Variants in PLCG2 observed in about 807,000 individuals in gnomAD.
PLCG2 encodes 1-phosphatidylinositol 4,5-bisphosphate phosphodiesterase gamma-2.
Under a neutral mutation model 175.6 loss-of-function variants are expected in PLCG2, and 69 were observed. The observed-to-expected ratio is 0.39, with a 90% CI of 0.32 to 0.48. PLCG2 has a LOEUF of 0.48. Among genes scored for constraint, PLCG2 ranks in the 20% least tolerant of loss-of-function variants. PLCG2 has a pLI of 0.91. For synonymous variants in PLCG2, 827 were observed against 624.0 expected (o/e 1.33, Z -4.85); for missense variants, 1,798 against 1,650.9 (o/e 1.09, Z -1.54).
At chr16:81,811,774 G>A (rs184923472) in intron 2 of PLCG2, among the ~76,000 whole-genome samples, 27 of 152,280 alleles carry the variant, frequency 1.8e-4, no homozygotes, top group Non-Finnish European at 3.2e-4. Flanking sequence ...TATCATCGAT[G>A]GGCATTTGGA....
chr16:81,896,027 TC>T, intron 13 of PLCG2, 100 bp downstream of exon 13: 1 of 1,434,638 alleles, frequency 7.0e-7, no homozygotes, highest in Non-Finnish European at 9.7e-7. Context: ...GACACCTCCC[TC>T]CAAATGCGGG....
chr16:81,789,032 A>G (rs1314066197), intron 2 of PLCG2, among the ~76,000 whole-genome samples: 1 of 152,194 alleles, frequency 6.6e-6, no homozygotes, highest in Admixed American at 6.5e-5. Flanking sequence ...CCCAGGGGGG[A>G]TCTTGTAAGT....
intron 1 of PLCG2, among the ~76,000 whole-genome samples, chr16:81,780,392 C>A (rs997926036): frequency 8.5e-5 from 13 of 152,182 alleles, no homozygotes; most frequent in Non-Finnish European, 1.6e-4. Context: ...AGTCCTTGGG[C>A]AGTTCCTGAC....
At chr16:81,847,085 C>A (rs1191765989) in intron 2 of PLCG2, among the ~76,000 whole-genome samples, 1 of 152,220 alleles carries the variant, frequency 6.6e-6, no homozygotes, top group Non-Finnish European at 1.5e-5. Flanking sequence ...ATGCTTTTGA[C>A]TGACTGGCTA....
At chr16:81,844,143 A>ATTTTT (rs60183943) in intron 2 of PLCG2, among the ~76,000 whole-genome samples, 32 of 93,916 alleles carry the variant, frequency 3.4e-4, no homozygotes, top group Non-Finnish European at 6.2e-4. Flanking sequence ...CACCCGGCTG[A>ATTTTT]TTTTTTTTTT....
rs551264866 is a variant in PLCG2, at chr16:81,831,555, C to T, written c.194-22889C>T. On this transcript the variant is annotated intron_variant, in intron 2 of 32. Transcript: ENST00000564138. ...GGTTAGTATTTGAACCTCATCCAACCCCATACTCCAGTTGGGACCCCTGGC... is the reference window on the plus strand; with the variant it reads ...GGTTAGTATTTGAACCTCATCCAACTCCATACTCCAGTTGGGACCCCTGGC... Among the ~76,000 whole-genome samples the T allele has an allele frequency of 7.1e-4, 108 of 152,282 alleles. No homozygotes were observed. The Middle Eastern group carries it at 0.014, about 19-fold the overall frequency.
upstream of PLCG2, among the ~76,000 whole-genome samples, chr16:81,776,998 A>G (rs896647304): frequency 1.3e-5 from 2 of 152,220 alleles, no homozygotes; most frequent in Non-Finnish European, 2.9e-5. Flanking sequence ...AAAATGAGCC[A>G]AAGAAGAAAA....
At chr16:81,813,070 G>T (rs4889396) in intron 2 of PLCG2, among the ~76,000 whole-genome samples, 151,692 of 152,320 alleles carry the variant, frequency 1, 75,535 homozygotes, top group East Asian at 1. Context: ...CTGTTTTGTT[G>T]ACCATAGCCT....
chr16:81,839,683 C>T (rs1015003556), intron 2 of PLCG2, among the ~76,000 whole-genome samples: 9 of 152,092 alleles, frequency 5.9e-5, no homozygotes, highest in African/African-American at 2.2e-4. Flanking sequence ...TAAGACATAA[C>T]AAAGGGTGGG....
intron 30 of PLCG2, among the ~76,000 whole-genome samples, chr16:81,942,472 A>G (rs1361948095): frequency 1.3e-5 from 2 of 152,214 alleles, no homozygotes; most frequent in East Asian, 3.8e-4. Flanking sequence ...GGGAGGAATG[A>G]AATAGAATGA....
At chr16:81,892,991 C>T (rs376975298) in intron 11 of PLCG2, among the ~76,000 whole-genome samples, 3 of 151,686 alleles carry the variant, frequency 2.0e-5, no homozygotes, top group African/African-American at 7.3e-5. Context: ...ACTCCGGGCA[C>T]GAGCCACCAT....
chr16:81,758,215 C>T (rs917427066), intron 2 of PLCG2, among the ~76,000 whole-genome samples: 1 of 152,136 alleles, frequency 6.6e-6, no homozygotes, highest in Admixed American at 6.6e-5. Flanking sequence ...TGGGCTCAAG[C>T]GATCTGCCTG....
At chr16:81,848,416 G>A (rs7206437) in intron 2 of PLCG2, among the ~76,000 whole-genome samples, 3,622 of 152,254 alleles carry the variant, frequency 0.024, 145 homozygotes, top group African/African-American at 0.081. Flanking sequence ...CGGATGTGCA[G>A]GGCTGCTTGT....
intron 1 of PLCG2, among the ~76,000 whole-genome samples, chr16:81,781,918 C>G (rs1910753794): frequency 7.0e-6 from 1 of 142,810 alleles, no homozygotes; most frequent in Non-Finnish European, 1.5e-5. Context: ...GTCGCCCAGG[C>G]TGGAGTGCAG....
chr16:81,769,661 CAAA>C (rs1174824481), intron 2 of PLCG2, among the ~76,000 whole-genome samples: 1 of 149,830 alleles, frequency 6.7e-6, no homozygotes, highest in African/African-American at 2.5e-5. Flanking sequence ...ACTAAAAATA[CAAA>C]AAAAAATTAG....
In PLCG2 at chr16:81,937,825, T is replaced by C. The variant is rs1910777272; in HGVS notation, c.3120T>C (p.Pro1040=). 1.9e-6 allele frequency: 3 copies of C among 1,613,850 alleles called. No individual in the cohort carries two copies. Among genetic ancestry groups the C allele is most frequent in the Non-Finnish European group, 2.5e-6 (3 of 1,179,724 alleles). ...GGCGCACGGGCTACGTTCTGCAGCC[T>C]GAGAGCATGAGGACAGAGAAATATG... ...LNGRTGYVLQ[P]ESMRTEKYDP... Residue 1040 remains proline (P), a synonymous_variant, in exon 28 of 33, where the codon CCT becomes CCC. Transcript: ENST00000564138.
At chr16:81,812,814 T>G (rs751961753) in intron 2 of PLCG2, among the ~76,000 whole-genome samples, 1 of 152,176 alleles carries the variant, frequency 6.6e-6, no homozygotes, top group Non-Finnish European at 1.5e-5. Context: ...TTAGGTCTTA[T>G]GTTTAAGTCT....
intron 2 of PLCG2, chr16:81,766,797 G>A (rs1910160780): frequency 6.6e-6 from 1 of 152,200 alleles, no homozygotes; most frequent in Admixed American, 6.6e-5. Flanking sequence ...CAGCCAAGAA[G>A]GTACAATCAC....
intron 28 of PLCG2, 121 bp downstream of exon 28, chr16:81,938,024 C>T: frequency 3.7e-6 from 3 of 821,106 alleles, no homozygotes; most frequent in East Asian, 2.6e-5. Flanking sequence ...TTTAAACGAT[C>T]CCCATTCAGG....
Sources: gnomAD v4.1 joint callset for allele counts (sites outside exome capture counted in the v4.1 genomes callset) on GRCh38, gnomAD v4.1.1 for gene constraint, MANE v1.5 for transcripts, NCBI Gene and HGNC (gene_info 2026-07-23, HGNC 2026-07-21) for gene names.